The following CAPN8 variants were observed in gnomAD, a reference collection of about 807,000 sequenced individuals.
The protein encoded by CAPN8 is calpain 8.
CAPN8 carries 87 observed loss-of-function variants against 80.9 expected under a neutral mutation model. The ratio of observed to expected loss-of-function variants is 1.07; its 90% CI spans 0.90 to 1.28. CAPN8 has a LOEUF of 1.28. Ranked by LOEUF, CAPN8 falls within the 50% of genes most tolerant of loss-of-function variation. The pLI is 0.00. For synonymous variants in CAPN8, 299 were observed against 273.8 expected, an observed-to-expected ratio of 1.09 and a Z score of -0.91; for missense variants, 757 against 702.0, an observed-to-expected ratio of 1.08 and a Z score of -0.89.
intron 2 of CAPN8, among the ~76,000 whole-genome samples, chr1:223,652,845 G>C (rs1344599910): frequency 6.6e-6 from 1 of 152,086 alleles, no homozygotes; most frequent in Non-Finnish European, 1.5e-5. Context: ...GATTCGGAGA[G>C]CTGGTTGGGT....
chr1:223,665,424 A>G lies in CAPN8; in HGVS notation c.223T>C (p.Trp75Arg), dbSNP rs1207118575. ...PGSPQTQGII[W>R]KRPTELCPSP... ...CGCTTCCTTACCGTGGGCCGCTTCC[A>G]GATGATGCCTTGAGTTTGCGGAGAG... The change falls in exon 1 of 21, where the codon TGG (tryptophan) becomes CGG (arginine). Residue 75 changes from tryptophan (W) to arginine (R), a missense_variant. Physicochemically the swap from Trp to Arg is moderately radical, Grantham distance 101. Coordinates refer to ENST00000366872, the MANE Select transcript of CAPN8 (RefSeq NM_001143962.2). 2 of 1,551,402 alleles carry G rather than the reference A, an allele frequency of 1.3e-6. No individual in the cohort carries two copies. Among genetic ancestry groups the G allele is most frequent in the Admixed American group, 2.0e-5 (1 of 50,996 alleles).
At chr1:223,545,039 A>G in intron 17 of CAPN8, 189 bp from the exon 18 acceptor site, 1 of 1,400,028 alleles carries the variant, frequency 7.1e-7, no homozygotes, top group Non-Finnish European at 9.5e-7. Flanking sequence ...TGCTGTCTGA[A>G]CAGCAGGGCT....
chr1:223,624,724 A>AATAAATACATAC (rs1553337030), intron 6 of CAPN8, among the ~76,000 whole-genome samples: 2 of 140,768 alleles, frequency 1.4e-5, no homozygotes, highest in South Asian at 2.5e-4. Context: ...TAAATAAATA[A>AATAAATACATAC]ATAAATAAAT....
intron 20 of CAPN8, among the ~76,000 whole-genome samples, chr1:223,542,148 G>A (rs553033697): frequency 5.9e-5 from 9 of 151,678 alleles, no homozygotes; most frequent in Non-Finnish European, 1.3e-4. Context: ...ATACACAATA[G>A]TGTATACTAT....
At chr1:223,654,218 A>C in intron 2 of CAPN8, 112 bp downstream of exon 2, 1 of 897,528 alleles carries the variant, frequency 1.1e-6, no homozygotes, top group Non-Finnish European at 1.7e-6. Flanking sequence ...AGACGGACAC[A>C]TCAGGTACCT....
chr1:223,627,902 A>G, intron 4 of CAPN8, 107 bp downstream of exon 4: 1 of 1,313,160 alleles, frequency 7.6e-7, no homozygotes, highest in African/African-American at 1.5e-5. Context: ...GCTGGGAAAG[A>G]CGCCATGACG....
intron 14 of CAPN8, among the ~76,000 whole-genome samples, chr1:223,553,133 C>T (rs1309699879): frequency 6.6e-6 from 1 of 152,110 alleles, no homozygotes; most frequent in East Asian, 1.9e-4. Context: ...TTTTCACACA[C>T]TTTATTATCC....
intron 19 of CAPN8, among the ~76,000 whole-genome samples, chr1:223,543,550 C>T (rs1656531007): frequency 6.6e-6 from 1 of 152,136 alleles, no homozygotes; most frequent in African/African-American, 2.4e-5. Context: ...GACCTTGACC[C>T]ACTAGAACGT....
At chr1:223,551,732 T>C (rs2102691332) in intron 14 of CAPN8, among the ~76,000 whole-genome samples, 1 of 152,372 alleles carries the variant, frequency 6.6e-6, no homozygotes, top group Non-Finnish European at 1.5e-5. Flanking sequence ...GAAGTCGTGA[T>C]TTTGTAAACT....
At chr1:223,546,955 C>A (rs560335408) in intron 16 of CAPN8, among the ~76,000 whole-genome samples, 3 of 151,940 alleles carry the variant, frequency 2.0e-5, no homozygotes, top group Non-Finnish European at 2.9e-5. Context: ...ACTCTCTCAC[C>A]CAGGCTGGAG....
intron 10 of CAPN8, among the ~76,000 whole-genome samples, chr1:223,612,652 A>C (rs1361494377): frequency 1.3e-5 from 2 of 152,144 alleles, no homozygotes; most frequent in Non-Finnish European, 2.9e-5. Context: ...AATCTCACTC[A>C]ACCTGAGCCA....
Position 223,541,739 on chromosome 1 carries a change from A to G in CAPN8, c.*97T>C, listed in dbSNP as rs1469384093. The G allele has an allele frequency of 6.6e-7, 1 of 1,526,242 alleles. No individual in the cohort carries two copies. The highest frequency in any genetic ancestry group is 8.9e-7 in the Non-Finnish European group (1 of 1,124,538). The allele number at this position is 1,526,242 out of a possible 1,614,324, so 94.5% of individuals were successfully genotyped here. On this transcript the variant is annotated 3_prime_UTR_variant, in exon 21 of 21. Transcript: ENST00000366872. ...CAAGAAAGGTATGAACAACCAGTGA[A>G]TGCCACTGGAGCATAAATGTTCACA...
intron 2 of CAPN8, among the ~76,000 whole-genome samples, chr1:223,635,206 C>T (rs1657883822): frequency 6.6e-6 from 1 of 152,210 alleles, no homozygotes; most frequent in South Asian, 2.1e-4. Flanking sequence ...TTTTTATACA[C>T]AGGGAGCTAT....
At chr1:223,624,521 A>T (rs1657506063) in intron 6 of CAPN8, among the ~76,000 whole-genome samples, 1 of 151,854 alleles carries the variant, frequency 6.6e-6, no homozygotes, top group Non-Finnish European at 1.5e-5. Context: ...CCTGGGCAAC[A>T]CAGACAGACT....
At chr1:223,551,898 T>A (rs989159631) in intron 14 of CAPN8, among the ~76,000 whole-genome samples, 1 of 152,184 alleles carries the variant, frequency 6.6e-6, no homozygotes, top group East Asian at 1.9e-4. Context: ...GGAGTTGGTA[T>A]TTCACATAGG....
Position 223,620,214 on chromosome 1 carries a change from T to G in CAPN8, c.952A>C (p.Lys318Gln). 1.3e-6 allele frequency: 2 copies of G among 1,551,652 alleles called. No individual in the cohort carries two copies. The highest frequency in any genetic ancestry group is 2.4e-5 in the South Asian group (2 of 84,052). The part of the protein sequence containing the change: ...DPRRKEELDK[K>Q]VEDGEFWMSL... ...CACCAGAATTCTCCATCCTCAACTT[T>G]CTTGTCCAGTTCTTCCTTCCGCCGG... Residue 318 changes from lysine to glutamine, a missense_variant, in exon 8 of 21, where the codon AAA (lysine) becomes CAA (glutamine). Coordinates refer to ENST00000366872, the MANE Select transcript of CAPN8 (RefSeq NM_001143962.2).
intron 20 of CAPN8, 142 bp from the exon 21 acceptor site, chr1:223,542,001 G>A: frequency 7.3e-7 from 1 of 1,378,762 alleles, no homozygotes; most frequent in Non-Finnish European, 1.0e-6. Context: ...TGGGAAGCAA[G>A]GAAGGCTTTC....
Position 223,544,976 on chromosome 1 carries a change from C to T in CAPN8, c.1834-126G>A. On this transcript the variant is annotated intron_variant, in intron 17 of 20. Transcript: ENST00000366872. ...TTTCAAAAGGAGACCCTATTGACTC[C>T]TCCCAAGAAGGTTTCAGAGCAAGCA... 4 of 1,494,742 alleles carry T rather than the reference C, an allele frequency of 2.7e-6. No homozygotes were observed. The South Asian group carries it at 4.0e-5, about 15-fold the overall frequency. 92.6% of individuals were successfully genotyped at this position (1,494,742 alleles called of 1,614,324 possible). A position where few individuals can be genotyped will look rare whatever the true frequency, so the allele number is the denominator to read the frequency against.
rs1656973712 is a variant in CAPN8 at position 223,609,246 on chromosome 1, G to A, written c.1442C>T (p.Pro481Leu). Reference sequence around the variant, plus strand: ...GGATGGCACCACCAGGTACTCCCCAGGGGGCAGCCGGGCCCGGCCAGAGAC... The same window carrying A: ...GGATGGCACCACCAGGTACTCCCCAAGGGGCAGCCGGGCCCGGCCAGAGAC... Reference protein sequence around the residue: ...REVSGRARLPPGEYLVVPSTF... With the variant: ...REVSGRARLPLGEYLVVPSTF... The change falls in exon 12 of 21, where the codon CCT (proline) becomes CTT (leucine). Residue 481 changes from proline (P) to leucine (L), a missense_variant. Coordinates refer to ENST00000366872, the MANE Select transcript of CAPN8 (RefSeq NM_001143962.2). The A allele has an allele frequency of 2.5e-6, 1 of 398,462 alleles. No individual in the cohort carries two copies. The highest frequency in any genetic ancestry group is 2.1e-5 in the African/African-American group (1 of 48,582). 24.7% of individuals were successfully genotyped at this position (398,462 alleles called of 1,614,324 possible). A position where few individuals can be genotyped will look rare whatever the true frequency, so the allele number is the denominator to read the frequency against.
Sources: gnomAD v4.1 joint callset for allele counts (sites outside exome capture counted in the v4.1 genomes callset) on GRCh38, gnomAD v4.1.1 for gene constraint, MANE v1.5 for transcripts, NCBI Gene and HGNC (gene_info 2026-07-23, HGNC 2026-07-21) for gene names.